Variants in SESN1 observed in about 807,000 individuals in gnomAD.
The protein encoded by SESN1 is sestrin-1.
SESN1 carries 30 observed loss-of-function variants against 59.3 expected under a neutral mutation model. That is an observed-to-expected ratio of 0.51 (90% CI 0.38 to 0.69). The LOEUF (loss-of-function observed/expected upper bound fraction) is 0.69. SESN1 is among the 30% of genes least tolerant of loss of function. The pLI is 0.00. For missense variants in SESN1, 566 were observed against 673.0 expected (o/e 0.84, Z 1.76); for synonymous variants, 197 against 219.9 (o/e 0.90, Z 0.92).
Position 109,001,477 on chromosome 6 carries a change from C to T in SESN1, c.357G>A (p.Val119=). ...CATGCATCTGTGCGTCTTCACTCCC[C>T]ACTTGGAGGATCTGTATAAATGAGA... ...RFIPEKEILQ[V]GSEDAQMHAL... is the part of the protein sequence containing the mutation. Residue 119 remains valine, a synonymous_variant, in exon 3 of 10, where the codon GTG becomes GTA. Transcript: ENST00000436639. 1 of 1,612,546 alleles carries T rather than the reference C, an allele frequency of 6.2e-7. No homozygotes were observed. The highest frequency in any genetic ancestry group is 8.5e-7 in the Non-Finnish European group (1 of 1,179,280).
At chr6:109,066,043 A>G (rs1158774031) in intron 1 of SESN1, among the ~76,000 whole-genome samples, 1 of 152,134 alleles carries the variant, frequency 6.6e-6, no homozygotes, top group African/African-American at 2.4e-5. Context: ...AGTGAAAGGT[A>G]AAATTATTAA....
chr6:108,990,903 T>C (rs1281753356), intron 7 of SESN1, 68 bp from the exon 8 acceptor site: 3 of 1,342,102 alleles, frequency 2.2e-6, no homozygotes, highest in Non-Finnish European at 2.1e-6. Flanking sequence ...TATAGCTCTG[T>C]AGCATGGTAA....
chr6:109,050,921 G>A (rs376355389), intron 1 of SESN1, among the ~76,000 whole-genome samples: 1 of 152,196 alleles, frequency 6.6e-6, no homozygotes, highest in African/African-American at 2.4e-5. Context: ...TAGGGGGAAT[G>A]TGGTCCTCAG....
intron 1 of SESN1, among the ~76,000 whole-genome samples, chr6:109,091,265 T>C (rs1781313720): frequency 6.6e-6 from 1 of 152,196 alleles, no homozygotes; most frequent in Non-Finnish European, 1.5e-5. Flanking sequence ...TACGGGTTTG[T>C]AGCCTAGAAA....
At chr6:109,087,095 C>A (rs1781225344) in intron 1 of SESN1, among the ~76,000 whole-genome samples, 1 of 152,276 alleles carries the variant, frequency 6.6e-6, no homozygotes, top group African/African-American at 2.4e-5. Context: ...CGTGCCACTG[C>A]ACTACAGCCT....
chr6:109,052,623 A>T (rs1461222019), intron 1 of SESN1, among the ~76,000 whole-genome samples: 1 of 152,220 alleles, frequency 6.6e-6, no homozygotes, highest in Non-Finnish European at 1.5e-5. Context: ...ATATTTAAAC[A>T]TTCCAAAAGG....
intron 1 of SESN1, among the ~76,000 whole-genome samples, chr6:109,053,519 T>C (rs921323844): frequency 5.9e-5 from 9 of 152,082 alleles, no homozygotes; most frequent in African/African-American, 1.9e-4. Flanking sequence ...GAGGCTGCTA[T>C]AAATTAAAGT....
Position 109,086,789 on chromosome 6 carries a change from T to A in SESN1, c.279+7006A>T, listed in dbSNP as rs1781219644. On this transcript the variant is annotated intron_variant, in intron 1 of 9. Transcript: ENST00000436639. ...GTTAGAAAAATATTTTTTAAATGAA[T>A]CAGTTTTTTTCATGTTAGAGGCCAA... Among the ~76,000 whole-genome samples, 3 of 152,204 alleles carry A rather than the reference T, an allele frequency of 2.0e-5. No individual in the cohort carries two copies. The South Asian group carries it at 6.2e-4, about 31-fold the overall frequency.
chr6:109,030,938 T>G (rs1291486529), intron 1 of SESN1, among the ~76,000 whole-genome samples: 1 of 152,216 alleles, frequency 6.6e-6, no homozygotes, highest in South Asian at 2.1e-4. Flanking sequence ...ACTACTCAAC[T>G]GTTTAAAATG....
intron 1 of SESN1, among the ~76,000 whole-genome samples, chr6:109,077,917 A>G (rs1477686391): frequency 6.6e-6 from 1 of 152,162 alleles, no homozygotes; most frequent in Non-Finnish European, 1.5e-5. Flanking sequence ...AATTTTTTTA[A>G]TTCATTAAAC....
chr6:109,015,572 C>T (rs181950132), intron 1 of SESN1, among the ~76,000 whole-genome samples: 3 of 152,210 alleles, frequency 2.0e-5, no homozygotes, highest in Admixed American at 2.0e-4. Context: ...TTCATTCAGA[C>T]ATATTACAAT....
chr6:109,075,655 T>A (rs1781019884), intron 1 of SESN1, among the ~76,000 whole-genome samples: 1 of 152,166 alleles, frequency 6.6e-6, no homozygotes, highest in African/African-American at 2.4e-5. Flanking sequence ...ATTTGAGCCT[T>A]CAGATGAGAC....
At chr6:109,056,484 G>T (rs1323584892) in intron 1 of SESN1, among the ~76,000 whole-genome samples, 5 of 152,126 alleles carry the variant, frequency 3.3e-5, no homozygotes, top group Non-Finnish European at 7.3e-5. Context: ...CTACGAACAG[G>T]CAATACAGGC....
intron 1 of SESN1, among the ~76,000 whole-genome samples, chr6:109,076,707 T>C (rs761946865): frequency 6.6e-6 from 1 of 152,072 alleles, no homozygotes; most frequent in Non-Finnish European, 1.5e-5. Flanking sequence ...TTTAGGCATG[T>C]TTGGGATAGA....
rs201531611 is a variant in SESN1, at chr6:109,001,497, A to AAG, written c.346-10_346-9insCT. ...CTCCCCACTTGGAGGATCTGTATAA[A>AAG]TGAGAAAAACCATGGTTACTGAAAT... On this transcript the variant is annotated splice_polypyrimidine_tract_variant and intron_variant, in intron 2 of 9. Transcript: ENST00000436639. The AAG allele has an allele frequency of 0.018, 29,081 of 1,603,078 alleles. 355 individuals are homozygous for AAG. The highest frequency in any genetic ancestry group is 0.02 in the Non-Finnish European group (24,005 of 1,173,182).
At chr6:109,018,314 C>T (rs9486988) in intron 1 of SESN1, among the ~76,000 whole-genome samples, 2,083 of 152,298 alleles carry the variant, frequency 0.014, 54 homozygotes, top group African/African-American at 0.047. Flanking sequence ...TAATGTCTCT[C>T]CCACCATCTG....
chr6:109,021,201 C>T (rs1780005795), intron 1 of SESN1, among the ~76,000 whole-genome samples: 1 of 151,896 alleles, frequency 6.6e-6, no homozygotes, highest in Non-Finnish European at 1.5e-5. Flanking sequence ...GTTATGTTGC[C>T]CAGGCTACAT....
At chr6:109,028,152 T>C (rs1444260664) in intron 1 of SESN1, among the ~76,000 whole-genome samples, 2 of 152,186 alleles carry the variant, frequency 1.3e-5, no homozygotes, top group Non-Finnish European at 2.9e-5. Flanking sequence ...AAACTTTTTT[T>C]CCCCATCTGT....
Position 109,018,111 on chromosome 6 carries a change from C to A in SESN1, c.280-15768G>T, listed in dbSNP as rs1338768181. Among the ~76,000 whole-genome samples, 4 of 152,206 alleles carry A rather than the reference C, an allele frequency of 2.6e-5. No homozygotes were observed. The East Asian group carries it at 7.7e-4, about 29-fold the overall frequency. Reference sequence around the variant, plus strand: ...GAACCTGGCCCCTTCCTGCTCTGGACTTCCTTGTATATTATCAGTGGTTTT... The same window carrying A: ...GAACCTGGCCCCTTCCTGCTCTGGAATTCCTTGTATATTATCAGTGGTTTT... On this transcript the variant is annotated intron_variant, in intron 1 of 9. Transcript: ENST00000436639.
Sources: gnomAD v4.1 joint callset for allele counts (sites outside exome capture counted in the v4.1 genomes callset) on GRCh38, gnomAD v4.1.1 for gene constraint, MANE v1.5 for transcripts, NCBI Gene and HGNC (gene_info 2026-07-23, HGNC 2026-07-21) for gene names.